PLCL2: variants seen among roughly 807,000 people sequenced by gnomAD.
The protein encoded by PLCL2 is phospholipase C like 2.
PLCL2 carries 4 observed loss-of-function variants against 79.6 expected under a neutral mutation model. That is an observed-to-expected ratio of 0.05 (90% CI 0.02 to 0.11). PLCL2 has a LOEUF of 0.11. PLCL2 is among the 10% of genes least tolerant of loss of function. The probability of loss-of-function intolerance (pLI) is 1.00; values close to 1 mark genes in which losing one functional copy is unlikely to be tolerated. For missense variants in PLCL2, 895 were observed against 1,291.0 expected, an observed-to-expected ratio of 0.69 and a Z score of 4.70; for synonymous variants, 484 against 457.7, an observed-to-expected ratio of 1.06 and a Z score of -0.73.
chr3:16,919,992 A>G (rs566935854), intron 1 of PLCL2, among the ~76,000 whole-genome samples: 13 of 152,258 alleles, frequency 8.5e-5, no homozygotes, highest in Admixed American at 8.5e-4. Context: ...AAACTTAATC[A>G]CCAGAGTATA....
At chr3:17,046,743 C>T (rs777806528) in intron 4 of PLCL2, among the ~76,000 whole-genome samples, 1 of 152,120 alleles carries the variant, frequency 6.6e-6, no homozygotes, top group Non-Finnish European at 1.5e-5. Context: ...GGCTTAGCTG[C>T]CCACTCAGGA....
intron 1 of PLCL2, among the ~76,000 whole-genome samples, chr3:16,918,986 T>G (rs935868618): frequency 1.2e-4 from 18 of 152,184 alleles, no homozygotes; most frequent in African/African-American, 4.3e-4. Context: ...AACTCTGGAT[T>G]AAATAAATTA....
chr3:16,982,698 C>T (rs1246962973), intron 1 of PLCL2, among the ~76,000 whole-genome samples: 1 of 152,188 alleles, frequency 6.6e-6, no homozygotes, highest in African/African-American at 2.4e-5. Flanking sequence ...TTTTAAACAG[C>T]ATTGACCGCT....
intron 3 of PLCL2, among the ~76,000 whole-genome samples, chr3:17,035,269 G>A (rs950654333): frequency 6.6e-6 from 1 of 152,156 alleles, no homozygotes; most frequent in South Asian, 2.1e-4. Context: ...TAAAGGAACC[G>A]TAAAGCACTC....
chr3:16,969,794 G>C (rs1479919291), intron 1 of PLCL2, among the ~76,000 whole-genome samples: 1 of 151,728 alleles, frequency 6.6e-6, no homozygotes, highest in Non-Finnish European at 1.5e-5. Flanking sequence ...GTATTGGTTT[G>C]CTCTTGTTTT....
chr3:16,935,988 A>G (rs2124946397), intron 1 of PLCL2, among the ~76,000 whole-genome samples: 1 of 152,280 alleles, frequency 6.6e-6, no homozygotes, highest in Middle Eastern at 3.4e-3. Flanking sequence ...ATGACTTTTC[A>G]GGTCCGTGGT....
At position 17,010,927 on chromosome 3, in the gene PLCL2, A is replaced by G. The variant is rs752722174; in HGVS notation, c.1581A>G (p.Gln527=). 6.2e-7 allele frequency: 1 copy of G among 1,614,138 alleles called. No homozygotes were observed. Among genetic ancestry groups the G allele is most frequent in the Admixed American group, 1.7e-5 (1 of 60,018 alleles). ...TAGAAAACCACTGTTCCATTAAACA[A>G]CAGAAGGTAATGGTTCAGCACATGA... ...LCLENHCSIK[Q]QKVMVQHMKK... The change falls in exon 2 of 6, where the codon CAA becomes CAG. Residue 527 remains glutamine, a synonymous_variant. Coordinates refer to ENST00000615277, the MANE Select transcript of PLCL2 (RefSeq NM_001144382.2). The surrounding 1 kb of genome is among the most constrained non-coding windows in gnomAD (Gnocchi z 5.8).
intron 1 of PLCL2, among the ~76,000 whole-genome samples, chr3:16,898,837 T>A (rs1696549486): frequency 1.3e-5 from 2 of 151,822 alleles, no homozygotes; most frequent in Non-Finnish European, 2.9e-5. Context: ...CCACACCAGG[T>A]CACACATGGA....
intron 1 of PLCL2, among the ~76,000 whole-genome samples, chr3:16,946,034 G>T (rs2063597031): frequency 6.6e-6 from 1 of 152,162 alleles, no homozygotes; most frequent in African/African-American, 2.4e-5. Context: ...AACAGTGGCG[G>T]TCCATAAACA....
chr3:17,046,521 A>G (rs2124924395), intron 4 of PLCL2, among the ~76,000 whole-genome samples: 1 of 152,316 alleles, frequency 6.6e-6, no homozygotes, highest in Non-Finnish European at 1.5e-5. Flanking sequence ...GTAATTTTAA[A>G]TGGAAAATAA....
chr3:16,955,287 T>C (rs1481524396), intron 1 of PLCL2, among the ~76,000 whole-genome samples: 1 of 152,210 alleles, frequency 6.6e-6, no homozygotes, highest in Non-Finnish European at 1.5e-5. Flanking sequence ...ATAGGGAATC[T>C]TTCCTCCCAT....
chr3:17,032,522 A>G (rs1382390446), intron 3 of PLCL2, among the ~76,000 whole-genome samples: 1 of 151,800 alleles, frequency 6.6e-6, no homozygotes, highest in Non-Finnish European at 1.5e-5. Context: ...TTTTTTGCCC[A>G]CTATCCTCTT....
At position 16,886,027 on chromosome 3, in the gene PLCL2, G is replaced by A. The variant is rs535036855; in HGVS notation, c.327+661G>A. Among the ~76,000 whole-genome samples the A allele has an allele frequency of 6.6e-6, 1 of 152,318 alleles. No homozygotes were observed. Among genetic ancestry groups the A allele is most frequent in the Non-Finnish European group, 1.5e-5 (1 of 68,034 alleles). ...CTGCAGTAGGCAGGCCTCGAGTACT[G>A]TGGAAGTTCTTTTGGGCAGTTTGCT... On this transcript the variant is annotated intron_variant, in intron 1 of 5. Coordinates refer to ENST00000615277, the MANE Select transcript of PLCL2 (RefSeq NM_001144382.2). This position sits in a 1 kb window ranked among gnomAD's most constrained non-coding sequence, Gnocchi z 4.2.
At chr3:16,995,199 G>A (rs1458334523) in intron 1 of PLCL2, among the ~76,000 whole-genome samples, 5 of 152,240 alleles carry the variant, frequency 3.3e-5, no homozygotes, top group Admixed American at 3.3e-4. Flanking sequence ...AACATCATAT[G>A]TCCTTTAGTG....
intron 1 of PLCL2, among the ~76,000 whole-genome samples, chr3:16,991,056 C>T (rs2064100005): frequency 6.6e-6 from 1 of 152,186 alleles, no homozygotes; most frequent in East Asian, 1.9e-4. Context: ...AGGAGGGAAC[C>T]ACCCATTCCC....
chr3:16,889,036 A>G (rs1696287174), intron 1 of PLCL2, among the ~76,000 whole-genome samples: 1 of 152,166 alleles, frequency 6.6e-6, no homozygotes, highest in Non-Finnish European at 1.5e-5. Flanking sequence ...ATCCCCAGAC[A>G]ATGGCAATCT....
At chr3:17,045,219 A>G (rs1251194472) in intron 4 of PLCL2, among the ~76,000 whole-genome samples, 2 of 152,230 alleles carry the variant, frequency 1.3e-5, no homozygotes, top group African/African-American at 2.4e-5. Flanking sequence ...CAACAGATAT[A>G]GGTCACCAAA....
chr3:16,954,732 G>A (rs1477894314), intron 1 of PLCL2, among the ~76,000 whole-genome samples: 1 of 152,198 alleles, frequency 6.6e-6, no homozygotes, highest in Non-Finnish European at 1.5e-5. Flanking sequence ...ACTGGTGTGA[G>A]ATGGTATCTC....
At chr3:16,921,758 G>T (rs1272074995) in intron 1 of PLCL2, among the ~76,000 whole-genome samples, 1 of 152,054 alleles carries the variant, frequency 6.6e-6, no homozygotes, top group East Asian at 1.9e-4. Flanking sequence ...ATTTTAACAT[G>T]ATCTTTATAA....
Sources: gnomAD v4.1 joint callset for allele counts (sites outside exome capture counted in the v4.1 genomes callset) on GRCh38, gnomAD v4.1.1 for gene constraint, Gnocchi (gnomAD v3.1) non-coding constraint, MANE v1.5 for transcripts, NCBI Gene and HGNC (gene_info 2026-07-23, HGNC 2026-07-21) for gene names.